WWOX: variants seen among roughly 807,000 people sequenced by gnomAD.
The protein encoded by WWOX is WW domain containing oxidoreductase.
WWOX carries 69 observed loss-of-function variants against 46.2 expected under a neutral mutation model. The ratio of observed to expected loss-of-function variants is 1.49; its 90% CI spans 1.23 to 1.82. WWOX has a LOEUF of 1.82. WWOX is among the 40% of genes most tolerant of loss of function. The pLI is 0.00. For missense variants in WWOX, 919 were observed against 542.6 expected, an observed-to-expected ratio of 1.69 and a Z score of -6.89; for synonymous variants, 359 against 202.6, an observed-to-expected ratio of 1.77 and a Z score of -6.56.
At chr16:78,607,828 G>A (rs938696991) in intron 8 of WWOX, among the ~76,000 whole-genome samples, 1 of 151,978 alleles carries the variant, frequency 6.6e-6, no homozygotes, top group Non-Finnish European at 1.5e-5. Flanking sequence ...ACGGAAAAGG[G>A]CTGGATTTTC....
At chr16:78,507,821 G>A (rs907341933) in intron 8 of WWOX, among the ~76,000 whole-genome samples, 6 of 152,210 alleles carry the variant, frequency 3.9e-5, no homozygotes, top group East Asian at 1.9e-4. Context: ...AAGATCCTCC[G>A]AATTCGCACC....
chr16:79,039,898 C>T lies in WWOX; in HGVS notation c.1057-171710C>T, dbSNP rs538367217. On this transcript the variant is annotated intron_variant, in intron 8 of 8. Coordinates refer to ENST00000566780, the MANE Select transcript of WWOX (RefSeq NM_016373.4). ...GGAAGCCACATTCCATGGACTGATACGCTGGGCTCCATGCCATCCTGGGGT... is the reference window on the plus strand; with the variant it reads ...GGAAGCCACATTCCATGGACTGATATGCTGGGCTCCATGCCATCCTGGGGT... Among the ~76,000 whole-genome samples the T allele has an allele frequency of 7.9e-5, 12 of 152,308 alleles. No individual in the cohort carries two copies. In the East Asian group the frequency reaches 1.5e-3, roughly 20 times the overall value.
At chr16:78,501,934 C>T (rs753783568) in intron 8 of WWOX, among the ~76,000 whole-genome samples, 2 of 152,120 alleles carry the variant, frequency 1.3e-5, no homozygotes, top group East Asian at 1.9e-4. Flanking sequence ...CCCACCTGCC[C>T]ATCGTCAGAT....
chr16:78,840,361 G>A (rs560780036), intron 8 of WWOX, among the ~76,000 whole-genome samples: 2 of 152,238 alleles, frequency 1.3e-5, no homozygotes, highest in South Asian at 2.1e-4. Flanking sequence ...CATGAGGCAT[G>A]GTAAGGCCAC....
intron 8 of WWOX, among the ~76,000 whole-genome samples, chr16:78,946,457 C>G (rs36095698): frequency 0.039 from 5,894 of 152,240 alleles, 145 homozygotes; most frequent in Non-Finnish European, 0.06. Context: ...TCCCAGAGTG[C>G]TAGGATTAAA....
intron 8 of WWOX, among the ~76,000 whole-genome samples, chr16:78,846,809 G>T (rs74031712): frequency 6.6e-6 from 1 of 152,096 alleles, no homozygotes; most frequent in African/African-American, 2.4e-5. Flanking sequence ...GATTAATACT[G>T]TGGTATTCTC....
intron 8 of WWOX, among the ~76,000 whole-genome samples, chr16:78,504,043 G>A (rs578249249): frequency 6.6e-6 from 1 of 152,126 alleles, no homozygotes; most frequent in East Asian, 1.9e-4. Flanking sequence ...ATGTCAGTCA[G>A]GGGGAAAAAA....
intron 8 of WWOX, among the ~76,000 whole-genome samples, chr16:78,464,290 G>T (rs555223623): frequency 2.2e-4 from 33 of 151,430 alleles, no homozygotes; most frequent in African/African-American, 7.5e-4. Context: ...GAGGCAAAAA[G>T]AAAAAGGGAG....
chr16:78,122,958 A>AT (rs918686839), intron 4 of WWOX, among the ~76,000 whole-genome samples: 4 of 151,922 alleles, frequency 2.6e-5, no homozygotes, highest in Admixed American at 1.3e-4. Flanking sequence ...ATATATTTTT[A>AT]TTTTTTTCCA....
chr16:78,755,664 G>A (rs910775906), intron 8 of WWOX, among the ~76,000 whole-genome samples: 1 of 152,148 alleles, frequency 6.6e-6, no homozygotes, highest in South Asian at 2.1e-4. Flanking sequence ...TTGGGGAGAG[G>A]AAGCCTCAGG....
At chr16:78,338,379 T>C (rs4888780) in intron 5 of WWOX, among the ~76,000 whole-genome samples, 27,160 of 120,036 alleles carry the variant, frequency 0.23, 8,710 homozygotes, top group African/African-American at 0.38. Context: ...TTTCCCCAGT[T>C]GTAAAGTGTG....
At chr16:78,746,191 C>T (rs141847913) in intron 8 of WWOX, among the ~76,000 whole-genome samples, 15 of 152,258 alleles carry the variant, frequency 9.9e-5, no homozygotes, top group Admixed American at 2.0e-4. Context: ...AGAAAGCTGA[C>T]GTAGTTGGGT....
intron 8 of WWOX, among the ~76,000 whole-genome samples, chr16:78,477,088 A>C (rs572075088): frequency 1.6e-4 from 24 of 152,342 alleles, no homozygotes; most frequent in African/African-American, 5.5e-4. Flanking sequence ...ACTCAAAAGC[A>C]TAAGAGCCCT....
intron 8 of WWOX, among the ~76,000 whole-genome samples, chr16:78,543,798 C>T (rs187432599): frequency 1.8e-4 from 27 of 152,268 alleles, no homozygotes; most frequent in Non-Finnish European, 3.5e-4. Context: ...GAATTGAATG[C>T]CCCATAAATT....
intron 8 of WWOX, among the ~76,000 whole-genome samples, chr16:78,540,326 T>A (rs1362035421): frequency 6.6e-6 from 1 of 152,086 alleles, no homozygotes; most frequent in East Asian, 1.9e-4. Flanking sequence ...AAAATCACCA[T>A]CTTGATTCTG....
At chr16:78,207,464 A>G (rs912544584) in intron 5 of WWOX, among the ~76,000 whole-genome samples, 1 of 150,268 alleles carries the variant, frequency 6.7e-6, no homozygotes, top group Non-Finnish European at 1.5e-5. Flanking sequence ...GTCTTTTTAC[A>G]TCTTTGTCAG....
chr16:78,675,024 T>G (rs992728055), intron 8 of WWOX, among the ~76,000 whole-genome samples: 1 of 152,180 alleles, frequency 6.6e-6, no homozygotes, highest in Non-Finnish European at 1.5e-5. Flanking sequence ...GTGTTAATAT[T>G]ATATATGTAC....
intron 5 of WWOX, among the ~76,000 whole-genome samples, chr16:78,176,401 T>C (rs2151748570): frequency 6.6e-6 from 1 of 152,310 alleles, no homozygotes. Flanking sequence ...TGCCTTGCCT[T>C]CCCTGGAGTT....
intron 8 of WWOX, among the ~76,000 whole-genome samples, chr16:78,741,136 T>G (rs1342132514): frequency 1.3e-5 from 2 of 152,174 alleles, no homozygotes; most frequent in East Asian, 3.9e-4. Context: ...TAGCGCCACT[T>G]CACACTGCAG....
Sources: allele counts gnomAD v4.1 joint callset (sites outside exome capture counted in the v4.1 genomes callset), GRCh38; gene constraint gnomAD v4.1.1; transcripts MANE v1.5; gene names NCBI Gene and HGNC (gene_info 2026-07-23, HGNC 2026-07-21).